NCALD: variants seen among roughly 807,000 people sequenced by gnomAD.
The protein encoded by NCALD is neurocalcin delta.
In NCALD, 10 loss-of-function variants were observed where a neutral mutation model predicts 18.6. The observed-to-expected ratio is 0.54, with a 90% confidence interval of 0.33 to 0.91. NCALD has a LOEUF of 0.91. NCALD is among the 40% of genes least tolerant of loss of function. NCALD has a pLI of 0.03. For synonymous variants in NCALD, 88 were observed against 87.4 expected (o/e 1.01, Z -0.04); for missense variants, 184 against 247.6 (o/e 0.74, Z 1.72).
At chr8:102,056,390 C>T (rs1242887863) in intron 1 of NCALD, among the ~76,000 whole-genome samples, 1 of 152,228 alleles carries the variant, frequency 6.6e-6, no homozygotes, top group Non-Finnish European at 1.5e-5. Context: ...GCTTTGGGAT[C>T]TGCAAAATGG....
chr8:101,722,451 T>C (rs1440810484), intron 1 of NCALD, among the ~76,000 whole-genome samples: 1 of 152,230 alleles, frequency 6.6e-6, no homozygotes, highest in African/African-American at 2.4e-5. Flanking sequence ...ATTTCAAGTT[T>C]TCCTTTTGGG....
chr8:101,895,975 A>C (rs1219621590), intron 3 of NCALD, among the ~76,000 whole-genome samples: 11 of 151,198 alleles, frequency 7.3e-5, no homozygotes, highest in Non-Finnish European at 4.4e-5. Context: ...ATCCCCATCA[A>C]GCTACCAATG....
At chr8:102,026,763 C>A (rs1007119545) in intron 1 of NCALD, among the ~76,000 whole-genome samples, 2 of 152,240 alleles carry the variant, frequency 1.3e-5, no homozygotes, top group Non-Finnish European at 2.9e-5. Flanking sequence ...CATTTCCCTT[C>A]TGCACTGCCC....
At chr8:102,121,954 T>C (rs946459841) in intron 1 of NCALD, among the ~76,000 whole-genome samples, 2 of 152,266 alleles carry the variant, frequency 1.3e-5, no homozygotes, top group Non-Finnish European at 2.9e-5. Flanking sequence ...GTTTGACTGA[T>C]GTTTGTTTAT....
chr8:101,835,612 G>A (rs1814379604), intron 4 of NCALD, among the ~76,000 whole-genome samples: 1 of 152,226 alleles, frequency 6.6e-6, no homozygotes, highest in Non-Finnish European at 1.5e-5. Context: ...CTGCATGGGA[G>A]GGTTTGCTAG....
chr8:102,066,192 C>T (rs976072609), intron 1 of NCALD, among the ~76,000 whole-genome samples: 1 of 152,176 alleles, frequency 6.6e-6, no homozygotes, highest in Admixed American at 6.5e-5. Context: ...GTCATGTGCT[C>T]CACAATTGTC....
chr8:102,087,902 CCTCTCTCT>C (rs3085983), intron 1 of NCALD, among the ~76,000 whole-genome samples: 5 of 149,372 alleles, frequency 3.3e-5, no homozygotes, highest in African/African-American at 9.9e-5. Flanking sequence ...GCAATGCTTT[CCTCTCTCT>C]CTCTCTCTCT....
chr8:102,054,159 T>C (rs562797453), intron 1 of NCALD, among the ~76,000 whole-genome samples: 10 of 152,316 alleles, frequency 6.6e-5, no homozygotes, highest in African/African-American at 1.9e-4. Flanking sequence ...ATGCACTGAA[T>C]ATGCTTACCA....
intron 4 of NCALD, among the ~76,000 whole-genome samples, chr8:101,865,641 T>C (rs559546359): frequency 8.6e-5 from 13 of 151,484 alleles, no homozygotes; most frequent in African/African-American, 2.9e-4. Flanking sequence ...GCTGCAGTGG[T>C]AGTGTTTGTG....
At chr8:101,895,736 C>T (rs1817138704) in intron 3 of NCALD, among the ~76,000 whole-genome samples, 1 of 148,262 alleles carries the variant, frequency 6.7e-6, no homozygotes, top group Non-Finnish European at 1.5e-5. Flanking sequence ...AAAGAGAGAG[C>T]CAAATCATGA....
chr8:101,990,506 G>A (rs1175093250), intron 2 of NCALD, among the ~76,000 whole-genome samples: 1 of 152,136 alleles, frequency 6.6e-6, no homozygotes, highest in Non-Finnish European at 1.5e-5. Context: ...TTGTCGGGGG[G>A]ACCCGGTAGG....
intron 1 of NCALD, among the ~76,000 whole-genome samples, chr8:102,068,232 C>T (rs1282449929): frequency 8.5e-5 from 13 of 152,278 alleles, no homozygotes; most frequent in East Asian, 7.7e-4. Flanking sequence ...AGGGAGATCT[C>T]GCGCTCCCCC....
chr8:101,688,013 TTAAC>T lies in NCALD; in HGVS notation c.*1292_*1295del, dbSNP rs1448659264. The stretch of plus-strand genomic sequence containing the variant: ...TGATGACTGCCCAACCTCTGATTCT[TTAAC>T]AGGGGCAGGGAAACTGAATATTCCA... On this transcript the variant is annotated 3_prime_UTR_variant, in exon 4 of 4. Coordinates refer to ENST00000220931, the MANE Select transcript of NCALD (RefSeq NM_032041.3). 1 of 152,252 alleles carries T rather than the reference TTAAC, an allele frequency of 6.6e-6. No individual in the cohort carries two copies. Among genetic ancestry groups the T allele is most frequent in the Non-Finnish European group, 1.5e-5 (1 of 68,074 alleles). The allele number at this position is 152,252 out of a possible 1,614,324, so 9.4% of individuals were successfully genotyped here. A position where few individuals can be genotyped will look rare whatever the true frequency, so the allele number is the denominator to read the frequency against.
intron 1 of NCALD, among the ~76,000 whole-genome samples, chr8:101,753,478 A>G (rs1469769038): frequency 6.6e-6 from 1 of 152,200 alleles, no homozygotes; most frequent in Admixed American, 6.5e-5. Flanking sequence ...CAGGAATTTT[A>G]CACCCTCTAC....
chr8:101,823,236 T>A (rs1324919082), intron 4 of NCALD, among the ~76,000 whole-genome samples: 1 of 152,146 alleles, frequency 6.6e-6, no homozygotes, highest in Non-Finnish European at 1.5e-5. Flanking sequence ...TCTTTTGTTT[T>A]CCTCCCGCTA....
intron 1 of NCALD, chr8:102,069,941 C>A (rs1824128087): frequency 6.6e-6 from 1 of 151,980 alleles, no homozygotes; most frequent in South Asian, 2.1e-4. Context: ...ACGGTGAAAC[C>A]CCATCTCTAC....
At chr8:102,118,736 T>C (rs1280328133) in intron 1 of NCALD, among the ~76,000 whole-genome samples, 1 of 150,964 alleles carries the variant, frequency 6.6e-6, no homozygotes, top group Non-Finnish European at 1.5e-5. Flanking sequence ...GCTTTCCTCT[T>C]CTCCCCACCC....
At chr8:101,814,934 G>A (rs1318188966) in intron 4 of NCALD, among the ~76,000 whole-genome samples, 1 of 152,004 alleles carries the variant, frequency 6.6e-6, no homozygotes, top group East Asian at 1.9e-4. Flanking sequence ...AGATCTTTAT[G>A]AGGAAAACTA....
intron 1 of NCALD, among the ~76,000 whole-genome samples, chr8:102,035,740 T>C (rs1184641308): frequency 6.6e-6 from 1 of 152,070 alleles, no homozygotes; most frequent in African/African-American, 2.4e-5. Flanking sequence ...TTTACCACAA[T>C]TGCAAAGATA....
Sources: gnomAD v4.1 joint callset for allele counts (sites outside exome capture counted in the v4.1 genomes callset) on GRCh38, gnomAD v4.1.1 for gene constraint, MANE v1.5 for transcripts, NCBI Gene and HGNC (gene_info 2026-07-23, HGNC 2026-07-21) for gene names.